Variants in HS3ST5 observed in about 807,000 individuals in gnomAD.
The protein encoded by HS3ST5 is heparan sulfate-glucosamine 3-sulfotransferase 5, also known as heparan sulfate glucosamine 3-O-sulfotransferase 5.
Under a neutral mutation model 25.4 loss-of-function variants are expected in HS3ST5, and 10 were observed. The ratio of observed to expected loss-of-function variants is 0.39; its 90% CI spans 0.24 to 0.67. The LOEUF (loss-of-function observed/expected upper bound fraction) is 0.67, where lower values mean the gene tolerates loss of function less well. Among genes scored for constraint, HS3ST5 ranks in the 30% least tolerant of loss-of-function variants. HS3ST5 has a pLI of 0.44. For synonymous variants in HS3ST5, 170 were observed against 162.4 expected, an observed-to-expected ratio of 1.05 and a Z score of -0.36; for missense variants, 324 against 420.7, an observed-to-expected ratio of 0.77 and a Z score of 2.01.
intron 4 of HS3ST5, among the ~76,000 whole-genome samples, chr6:114,061,696 TC>T (rs1265289348): frequency 6.6e-6 from 1 of 152,188 alleles, no homozygotes; most frequent in Non-Finnish European, 1.5e-5. Flanking sequence ...ACACCTGTAA[TC>T]CCAGCACTTT....
chr6:114,332,830 C>G (rs1436244309), intron 1 of HS3ST5, among the ~76,000 whole-genome samples: 1 of 151,798 alleles, frequency 6.6e-6, no homozygotes, highest in Non-Finnish European at 1.5e-5. Flanking sequence ...AGCAGAGAAC[C>G]CTTAGGGAGA....
At chr6:114,084,066 C>A in intron 3 of HS3ST5, 1 of 578,080 alleles carries the variant, frequency 1.7e-6, no homozygotes, top group Admixed American at 3.0e-5. Flanking sequence ...TCTCAGGTTC[C>A]CTGATCATAT....
intron 3 of HS3ST5, among the ~76,000 whole-genome samples, chr6:114,115,288 C>T (rs532928053): frequency 1.3e-5 from 2 of 152,084 alleles, no homozygotes; most frequent in Admixed American, 6.6e-5. Flanking sequence ...GACACATTTA[C>T]AAACAAGAAA....
At chr6:114,118,566 T>C (rs1008456496) in intron 3 of HS3ST5, among the ~76,000 whole-genome samples, 5 of 152,198 alleles carry the variant, frequency 3.3e-5, no homozygotes, top group African/African-American at 1.2e-4. Flanking sequence ...CAAGAATATA[T>C]AGTGAACAAA....
chr6:114,070,813 C>T (rs766729405), intron 3 of HS3ST5, among the ~76,000 whole-genome samples: 9 of 152,228 alleles, frequency 5.9e-5, no homozygotes, highest in Admixed American at 1.3e-4. Flanking sequence ...ACCTCCAGTC[C>T]TGTCAGAATC....
chr6:114,115,105 G>C (rs1180362951), intron 3 of HS3ST5, among the ~76,000 whole-genome samples: 1 of 151,978 alleles, frequency 6.6e-6, no homozygotes, highest in African/African-American at 2.4e-5. Flanking sequence ...ACCTATATGA[G>C]GATATATTTT....
At chr6:114,320,143 G>T (rs1029821263) in intron 1 of HS3ST5, among the ~76,000 whole-genome samples, 9 of 151,952 alleles carry the variant, frequency 5.9e-5, no homozygotes, top group African/African-American at 2.2e-4. Context: ...CTGTTATTGG[G>T]ACTCTACATA....
At chr6:114,174,061 G>A (rs1372191737) in intron 2 of HS3ST5, among the ~76,000 whole-genome samples, 1 of 151,892 alleles carries the variant, frequency 6.6e-6, no homozygotes, top group East Asian at 1.9e-4. Context: ...GCGTGACTGG[G>A]GTCCTAATTG....
At chr6:114,245,377 A>G (rs1772331542) in intron 1 of HS3ST5, among the ~76,000 whole-genome samples, 1 of 152,208 alleles carries the variant, frequency 6.6e-6, no homozygotes, top group Non-Finnish European at 1.5e-5. Flanking sequence ...TTAGAAAAAC[A>G]TCTGGTTTTC....
chr6:114,258,255 G>A (rs1773020285), intron 1 of HS3ST5, among the ~76,000 whole-genome samples: 2 of 152,174 alleles, frequency 1.3e-5, no homozygotes, highest in African/African-American at 4.8e-5. Flanking sequence ...ACTCTGTGGG[G>A]AGTGCGTGAC....
At chr6:114,213,088 C>T (rs1471304143) in intron 2 of HS3ST5, among the ~76,000 whole-genome samples, 1 of 152,090 alleles carries the variant, frequency 6.6e-6, no homozygotes, top group Non-Finnish European at 1.5e-5. Context: ...AAGTGGCTCT[C>T]AGCGGGATGG....
At chr6:114,173,978 T>C (rs775846251) in intron 2 of HS3ST5, among the ~76,000 whole-genome samples, 1 of 152,154 alleles carries the variant, frequency 6.6e-6, no homozygotes, top group Non-Finnish European at 1.5e-5. Context: ...TGGATACCTA[T>C]AGGCACCTCA....
At chr6:114,137,371 C>T (rs562733419) in intron 3 of HS3ST5, among the ~76,000 whole-genome samples, 1 of 152,226 alleles carries the variant, frequency 6.6e-6, no homozygotes, top group African/African-American at 2.4e-5. Context: ...AAATACACAC[C>T]TATAGACATC....
chr6:114,270,270 G>T (rs1773582774), intron 1 of HS3ST5, among the ~76,000 whole-genome samples: 2 of 151,984 alleles, frequency 1.3e-5, no homozygotes, highest in South Asian at 4.1e-4. Context: ...AATTTAATTA[G>T]TCTATTGCAA....
At chr6:114,245,356 A>G (rs972182813) in intron 1 of HS3ST5, among the ~76,000 whole-genome samples, 1 of 152,168 alleles carries the variant, frequency 6.6e-6, no homozygotes, top group African/African-American at 2.4e-5. Flanking sequence ...CAGTTATGAG[A>G]CAGAAACAGG....
chr6:114,075,393 A>G (rs979133814), intron 3 of HS3ST5, among the ~76,000 whole-genome samples: 2 of 152,204 alleles, frequency 1.3e-5, no homozygotes, highest in Admixed American at 1.3e-4. Context: ...ACTACTCTCC[A>G]AAAAGCACAA....
intron 1 of HS3ST5, among the ~76,000 whole-genome samples, chr6:114,320,927 T>C (rs1046504738): frequency 7.4e-5 from 8 of 108,686 alleles, no homozygotes; most frequent in Admixed American, 4.9e-4. Flanking sequence ...TATATATATA[T>C]ATATACATAT....
chr6:114,311,794 C>T (rs923962833), intron 1 of HS3ST5, among the ~76,000 whole-genome samples: 2 of 152,076 alleles, frequency 1.3e-5, no homozygotes, highest in Admixed American at 1.3e-4. Flanking sequence ...CTGCCTGCCT[C>T]GGCCTCCCAA....
intron 2 of HS3ST5, among the ~76,000 whole-genome samples, chr6:114,204,706 T>C (rs543986060): frequency 2.8e-4 from 43 of 152,346 alleles, no homozygotes; most frequent in African/African-American, 1.0e-3. Flanking sequence ...CTTTAATATT[T>C]GAGTTGTCTT....
Sources: gnomAD v4.1 joint callset for allele counts (sites outside exome capture counted in the v4.1 genomes callset) on GRCh38, gnomAD v4.1.1 for gene constraint, MANE v1.5 for transcripts, NCBI Gene and HGNC (gene_info 2026-07-23, HGNC 2026-07-21) for gene names.